Variants in ANP32E observed in about 807,000 individuals in gnomAD.
The protein encoded by ANP32E is acidic leucine-rich nuclear phosphoprotein 32 family member E.
In ANP32E, 14 loss-of-function variants were observed where a neutral mutation model predicts 35.3. The ratio of observed to expected loss-of-function variants is 0.40; its 90% confidence interval spans 0.26 to 0.62. The LOEUF (loss-of-function observed/expected upper bound fraction) is 0.62, where lower values mean the gene tolerates loss of function less well. Ranked by LOEUF, ANP32E falls within the 20% of genes least tolerant of loss-of-function variation. The probability of loss-of-function intolerance (pLI) is 0.45; values close to 1 mark genes in which losing one functional copy is unlikely to be tolerated. For synonymous variants in ANP32E, 89 were observed against 110.4 expected, an observed-to-expected ratio of 0.81 and a Z score of 1.22; for missense variants, 198 against 304.4, an observed-to-expected ratio of 0.65 and a Z score of 2.60.
chr1:150,234,442 AT>A (rs772993581), intron 1 of ANP32E: 1 of 289,320 alleles, frequency 3.5e-6, no homozygotes, highest in Non-Finnish European at 5.1e-6. Context: ...AAAAAAAAAA[AT>A]CTTAGTTGCC....
At chr1:150,224,807 A>C (rs1485209542) in intron 5 of ANP32E, among the ~76,000 whole-genome samples, 1 of 152,200 alleles carries the variant, frequency 6.6e-6, no homozygotes, top group African/African-American at 2.4e-5. Context: ...AAAATACTTT[A>C]AATTATGAGT....
intron 6 of ANP32E, among the ~76,000 whole-genome samples, 165 bp downstream of exon 6, chr1:150,223,020 AC>A (rs1213748421): frequency 1.3e-5 from 2 of 152,090 alleles, no homozygotes; most frequent in African/African-American, 2.4e-5. Flanking sequence ...TAAAAAAAAA[AC>A]TTTTATAACT....
chr1:150,229,247 T>C lies in ANP32E; in HGVS notation c.328-10A>G. On this transcript the variant is annotated splice_polypyrimidine_tract_variant and intron_variant, in intron 3 of 6. Coordinates refer to ENST00000583931, the MANE Select transcript of ANP32E (RefSeq NM_030920.5). ...AATTTTTAAGATTTTGCTGGAAAAGTAAAGTTAAAACTTACATTCAAGATT... is the reference window on the plus strand; with the variant it reads ...AATTTTTAAGATTTTGCTGGAAAAGCAAAGTTAAAACTTACATTCAAGATT... 6.6e-7 allele frequency: 1 copy of C among 1,512,530 alleles called. No individual in the cohort carries two copies. The highest frequency in any genetic ancestry group is 9.0e-7 in the Non-Finnish European group (1 of 1,116,558). The allele number at this position is 1,512,530 out of a possible 1,614,324, so 93.7% of individuals were successfully genotyped here.
chr1:150,227,604 G>A (rs1265771080), intron 4 of ANP32E, among the ~76,000 whole-genome samples: 1 of 151,484 alleles, frequency 6.6e-6, no homozygotes, highest in African/African-American at 2.4e-5. Flanking sequence ...AAGAGGGGAA[G>A]GAGGGTGGCT....
chr1:150,220,707 T>C lies in ANP32E; in HGVS notation c.791A>G (p.Glu264Gly). The change falls in exon 7 of 7, where the codon GAG (glutamate) becomes GGG (glycine). Residue 264 changes from glutamate (E) to glycine (G), a missense_variant. Physicochemically the swap from Glu to Gly is moderately conservative, Grantham distance 98 (BLOSUM62 -2). Transcript: ENST00000583931. ...TAGAATGATCTAGTCATCTTCTTCC[T>C]CTCCATCGTCTTCAGCATCTCGTTT... is the stretch of plus-strand genomic sequence containing the variant. The part of the protein sequence containing the change: ...KRKRDAEDDG[E>G]EEDD 6.2e-7 allele frequency: 1 copy of C among 1,614,028 alleles called. No individual in the cohort carries two copies. The highest frequency in any genetic ancestry group is 1.1e-5 in the South Asian group (1 of 91,080).
intron 2 of ANP32E, among the ~76,000 whole-genome samples, chr1:150,231,530 G>A (rs1235126230): frequency 8.3e-5 from 4 of 48,356 alleles, no homozygotes; most frequent in Non-Finnish European, 1.4e-4. Flanking sequence ...GGAGGCAGAG[G>A]TTGCAATGAG....
At chr1:150,230,411 A>G (rs1553841390) in intron 3 of ANP32E, among the ~76,000 whole-genome samples, 160 bp downstream of exon 3, 1 of 152,228 alleles carries the variant, frequency 6.6e-6, no homozygotes, top group Admixed American at 6.5e-5. Context: ...AATTCATCTG[A>G]ATATTTTAGT....
Position 150,220,531 on chromosome 1 carries a change from T to G in ANP32E, c.*160A>C. 1.5e-6 allele frequency: 1 copy of G among 664,298 alleles called. No homozygotes were observed. The highest frequency in any genetic ancestry group is 2.7e-5 in the East Asian group (1 of 37,134). 41.2% of individuals were successfully genotyped at this position (664,298 alleles called of 1,614,324 possible). A position where few individuals can be genotyped will look rare whatever the true frequency, so the allele number is the denominator to read the frequency against. On this transcript the variant is annotated 3_prime_UTR_variant, in exon 7 of 7. Coordinates refer to ENST00000583931, the MANE Select transcript of ANP32E (RefSeq NM_030920.5). ...ACAATATGATCATTAACAGACTAGTTCTTATTTGGAATGATAAGGCAAAAA... is the reference window on the plus strand; with the variant it reads ...ACAATATGATCATTAACAGACTAGTGCTTATTTGGAATGATAAGGCAAAAA...
rs1648165915 is a variant in ANP32E, at chr1:150,219,383, G to A, written c.*1308C>T. On this transcript the variant is annotated 3_prime_UTR_variant, in exon 7 of 7. Coordinates refer to ENST00000583931, the MANE Select transcript of ANP32E (RefSeq NM_030920.5). The stretch of plus-strand genomic sequence containing the variant: ...TCCCAAATATTTTTCTACTTTTAAT[G>A]GACATCCACTTGAAAACAAATCTTA... 1 of 152,054 alleles carries A rather than the reference G, an allele frequency of 6.6e-6. No homozygotes were observed. The highest frequency in any genetic ancestry group is 6.6e-5 in the Admixed American group (1 of 15,264). The allele number at this position is 152,054 out of a possible 1,614,324, so 9.4% of individuals were successfully genotyped here.
intron 4 of ANP32E, 110 bp downstream of exon 4, chr1:150,228,962 C>T: frequency 1.1e-6 from 1 of 920,202 alleles, no homozygotes; most frequent in Non-Finnish European, 1.7e-6. Flanking sequence ...TTACTAATAT[C>T]TTGTTGTGGA....
chr1:150,227,509 A>C (rs1302704323), intron 4 of ANP32E, among the ~76,000 whole-genome samples: 1 of 151,974 alleles, frequency 6.6e-6, no homozygotes, highest in Non-Finnish European at 1.5e-5. Flanking sequence ...AAAAAACCAA[A>C]TACTGCATGC....
At chr1:150,230,952 A>G (rs1445392554) in intron 2 of ANP32E, among the ~76,000 whole-genome samples, 1 of 152,166 alleles carries the variant, frequency 6.6e-6, no homozygotes, top group African/African-American at 2.4e-5. Flanking sequence ...CATGTTAGCC[A>G]GGCTGGTCTC....
intron 5 of ANP32E, among the ~76,000 whole-genome samples, chr1:150,225,393 G>A (rs2101769587): frequency 6.6e-6 from 1 of 152,202 alleles, no homozygotes; most frequent in East Asian, 1.9e-4. Context: ...GCAGGGGCCG[G>A]GCACAGTGGC....
chr1:150,218,697 C>G lies in ANP32E; in HGVS notation c.*1994G>C, dbSNP rs1358971378. 1 of 152,544 alleles carries G rather than the reference C, an allele frequency of 6.6e-6. No individual in the cohort carries two copies. The highest frequency in any genetic ancestry group is 2.4e-5 in the African/African-American group (1 of 41,412). 9.4% of individuals were successfully genotyped at this position (152,544 alleles called of 1,614,324 possible). A position where few individuals can be genotyped will look rare whatever the true frequency, so the allele number is the denominator to read the frequency against. On this transcript the variant is annotated 3_prime_UTR_variant, in exon 7 of 7. Transcript: ENST00000583931. ...AGCATTAAAATAGGACCGAAAACTTCTACAAAATATAAAACCCACCCTTAC... is the reference window on the plus strand; with the variant it reads ...AGCATTAAAATAGGACCGAAAACTTGTACAAAATATAAAACCCACCCTTAC...
Position 150,220,549 on chromosome 1 carries a change from G to T in ANP32E, c.*142C>A. 2 of 775,694 alleles carry T rather than the reference G, an allele frequency of 2.6e-6. No homozygotes were observed. The highest frequency in any genetic ancestry group is 4.2e-6 in the Non-Finnish European group (2 of 477,286). The allele number at this position is 775,694 out of a possible 1,614,324, so 48.1% of individuals were successfully genotyped here. Reference sequence around the variant, plus strand: ...GACTAGTTCTTATTTGGAATGATAAGGCAAAAATAGTAAAACCACACTTTT... The same window carrying T: ...GACTAGTTCTTATTTGGAATGATAATGCAAAAATAGTAAAACCACACTTTT... On this transcript the variant is annotated 3_prime_UTR_variant, in exon 7 of 7. Transcript: ENST00000583931.
intron 6 of ANP32E, among the ~76,000 whole-genome samples, chr1:150,222,799 G>A (rs1009191709): frequency 6.6e-6 from 1 of 151,336 alleles, no homozygotes; most frequent in African/African-American, 2.4e-5. Flanking sequence ...ATTTTTAAAG[G>A]CCTGGAAAAC....
At chr1:150,226,921 C>T (rs1444305915) in intron 4 of ANP32E, 126 bp from the exon 5 acceptor site, 21 of 1,256,572 alleles carry the variant, frequency 1.7e-5, no homozygotes, top group African/African-American at 3.1e-5. Flanking sequence ...TAACTCACAG[C>T]GATACTTTTT....
rs587601773 is a variant in ANP32E at position 150,235,311 on chromosome 1, T to G, written c.54+422A>C. On this transcript the variant is annotated intron_variant, in intron 1 of 6. Coordinates refer to ENST00000583931, the MANE Select transcript of ANP32E (RefSeq NM_030920.5). This position sits in a 1 kb window ranked among gnomAD's most constrained non-coding sequence, Gnocchi z 4.2. Reference sequence around the variant, plus strand: ...CCCTAAAAAGATGAGTTGGCCGCACTGCAGAAAAGTTGGACTAACTTCTCA... The same window carrying G: ...CCCTAAAAAGATGAGTTGGCCGCACGGCAGAAAAGTTGGACTAACTTCTCA... 4.2e-4 allele frequency among the ~76,000 whole-genome samples: 64 copies of G among 152,344 alleles called. No homozygotes were observed. The highest frequency in any genetic ancestry group is 3.7e-4 in the Non-Finnish European group (25 of 68,028).
chr1:150,230,343 A>G (rs1649259272), intron 3 of ANP32E, among the ~76,000 whole-genome samples: 1 of 152,226 alleles, frequency 6.6e-6, no homozygotes, highest in Non-Finnish European at 1.5e-5. Flanking sequence ...TGGAAATGTT[A>G]AAACCAGATA....
Sources: gnomAD v4.1 joint callset for allele counts (sites outside exome capture counted in the v4.1 genomes callset) on GRCh38, gnomAD v4.1.1 for gene constraint, Gnocchi (gnomAD v3.1) non-coding constraint, MANE v1.5 for transcripts, NCBI Gene and HGNC (gene_info 2026-07-23, HGNC 2026-07-21) for gene names.